Variants in COL19A1 observed in about 807,000 individuals in gnomAD.
The protein encoded by COL19A1 is collagen type XIX alpha 1 chain, also known as collagen alpha-1(XIX) chain.
A neutral mutation model predicts 190.2 loss-of-function variants in COL19A1; 159 were observed. That is an observed-to-expected ratio of 0.84 (90% confidence interval 0.73 to 0.95). The LOEUF is 0.95. Among genes scored for constraint, COL19A1 ranks in the 40% least tolerant of loss-of-function variants. COL19A1 has a pLI of 0.00. For missense variants in COL19A1, 1,418 were observed against 1,431.9 expected (o/e 0.99, Z 0.16); for synonymous variants, 509 against 458.9 (o/e 1.11, Z -1.39).
chr6:70,068,477 G>A lies in COL19A1; in HGVS notation c.1224+1G>A, dbSNP rs766625405. 2.5e-6 allele frequency: 4 copies of A among 1,586,848 alleles called. No homozygotes were observed. The African/African-American group carries it at 4.1e-5, about 16-fold the overall frequency. On this transcript the variant is annotated splice_donor_variant, in intron 15 of 50. Transcript: ENST00000620364. LOFTEE classifies it high-confidence loss of function. ...TCCACCTGGAAAAGAGGGTCAGAGG[G>A]TAAGTAAAGCTGGAACAACTGGTGG...
At chr6:70,080,871 C>T (rs1782205653) in intron 15 of COL19A1, among the ~76,000 whole-genome samples, 1 of 152,114 alleles carries the variant, frequency 6.6e-6, no homozygotes, top group Admixed American at 6.5e-5. Flanking sequence ...TTTTTGTATA[C>T]TCTACTGGTA....
intron 15 of COL19A1, among the ~76,000 whole-genome samples, chr6:70,077,601 A>G (rs188773234): frequency 6.6e-6 from 1 of 152,250 alleles, no homozygotes; most frequent in East Asian, 1.9e-4. Flanking sequence ...AACAGTATAC[A>G]ACGTATGTTG....
chr6:69,908,255 A>G (rs951573440), intron 4 of COL19A1, among the ~76,000 whole-genome samples: 2 of 152,206 alleles, frequency 1.3e-5, no homozygotes, highest in African/African-American at 4.8e-5. Flanking sequence ...GTGTTTTAGA[A>G]GGATTACTTT....
rs1777430467 is a variant in COL19A1 at position 70,003,771 on chromosome 6, G to T, written c.1027-19856G>T. Among the ~76,000 whole-genome samples, 9 of 151,894 alleles carry T rather than the reference G, an allele frequency of 5.9e-5. No homozygotes were observed. The South Asian group carries it at 1.9e-3, about 32-fold the overall frequency. On this transcript the variant is annotated intron_variant, in intron 11 of 50. Coordinates refer to ENST00000620364, the MANE Select transcript of COL19A1 (RefSeq NM_001858.6). ...TTATTTTGAGCCTTTGTGTATCTTT[G>T]CATGTGAGATGGGTCTCCTGAATAC...
At chr6:69,955,102 T>C (rs1033296837) in intron 9 of COL19A1, among the ~76,000 whole-genome samples, 2 of 152,086 alleles carry the variant, frequency 1.3e-5, no homozygotes, top group Admixed American at 6.6e-5. Context: ...TTTTATGAAG[T>C]TTTAAGTTTG....
At chr6:70,200,158 G>A (rs549342745) in intron 49 of COL19A1, among the ~76,000 whole-genome samples, 1 of 152,142 alleles carries the variant, frequency 6.6e-6, no homozygotes, top group South Asian at 2.1e-4. Flanking sequence ...GTGACTCAAC[G>A]ACAAATAGTT....
intron 20 of COL19A1, 133 bp from the exon 21 acceptor site, chr6:70,141,760 T>C (rs1786266015): frequency 1.6e-6 from 1 of 630,466 alleles, no homozygotes; most frequent in Admixed American, 3.0e-5. Flanking sequence ...TGAACTCTCC[T>C]TGATTTTATT....
chr6:69,960,120 T>C, intron 10 of COL19A1, 80 bp downstream of exon 10: 1 of 1,359,138 alleles, frequency 7.4e-7, no homozygotes, highest in Middle Eastern at 2.1e-4. Flanking sequence ...ATTCTGAAAT[T>C]GTATTTGATT....
chr6:70,136,706 T>A (rs1011394622), intron 18 of COL19A1, among the ~76,000 whole-genome samples: 1 of 152,200 alleles, frequency 6.6e-6, no homozygotes, highest in African/African-American at 2.4e-5. Flanking sequence ...GGATTTCTTC[T>A]TTGTAAATTT....
rs868271320 is a variant in COL19A1, at chr6:70,009,972, A to G, written c.1027-13655A>G. Among the ~76,000 whole-genome samples the G allele has an allele frequency of 2.4e-4, 37 of 152,318 alleles. 1 individual carries two copies. The highest frequency in any genetic ancestry group is 8.2e-4 in the African/African-American group (34 of 41,576). ...AATAGGTAATAGAAATAAATGTAAAAACCAAAACTGTAAATTTTTTAGAAG... is the reference window on the plus strand; with the variant it reads ...AATAGGTAATAGAAATAAATGTAAAGACCAAAACTGTAAATTTTTTAGAAG... On this transcript the variant is annotated intron_variant, in intron 11 of 50. Coordinates refer to ENST00000620364, the MANE Select transcript of COL19A1 (RefSeq NM_001858.6).
chr6:70,168,326 A>G, intron 39 of COL19A1, 111 bp downstream of exon 39: 8 of 1,066,972 alleles, frequency 7.5e-6, no homozygotes, highest in Non-Finnish European at 1.1e-5. Flanking sequence ...GAATACAGCC[A>G]AATTTTACAG....
intron 41 of COL19A1, 121 bp from the exon 42 acceptor site, chr6:70,176,399 A>G: frequency 1.0e-6 from 1 of 955,146 alleles, no homozygotes; most frequent in African/African-American, 1.7e-5. Context: ...TCTAATATCA[A>G]TAACACTTAT....
At chr6:70,163,515 A>G (rs1207818886) in intron 36 of COL19A1, 119 bp downstream of exon 36, 19 of 865,292 alleles carry the variant, frequency 2.2e-5, no homozygotes, top group Admixed American at 2.0e-4. Flanking sequence ...ATGATGGTAG[A>G]AAGTACCTAT....
In COL19A1 at chr6:70,102,228, T is replaced by C. The variant is rs1223827661; in HGVS notation, c.1278+6T>C. 3 of 1,603,860 alleles carry C rather than the reference T, an allele frequency of 1.9e-6. No homozygotes were observed. Among genetic ancestry groups the C allele is most frequent in the Non-Finnish European group, 2.6e-6 (3 of 1,170,832 alleles). ...CAGGACCCCCAGGACCACCTGTGAGTAAACAATACAATGACTGTCCCTTTA... is the reference window on the plus strand; with the variant it reads ...CAGGACCCCCAGGACCACCTGTGAGCAAACAATACAATGACTGTCCCTTTA... On this transcript the variant is annotated splice_donor_region_variant and intron_variant, in intron 16 of 50. Transcript: ENST00000620364.
chr6:70,071,803 A>G (rs370841007), intron 15 of COL19A1, among the ~76,000 whole-genome samples: 3 of 152,212 alleles, frequency 2.0e-5, no homozygotes, highest in African/African-American at 7.2e-5. Flanking sequence ...TGAGGCAGAA[A>G]AAGGCCGTAC....
intron 1 of COL19A1, among the ~76,000 whole-genome samples, chr6:69,872,440 G>A (rs953473943): frequency 1.3e-5 from 2 of 152,010 alleles, no homozygotes; most frequent in Admixed American, 6.5e-5. Context: ...AATGATTAAG[G>A]TTTCTTAATG....
chr6:69,900,195 T>C (rs1770081600), intron 3 of COL19A1, 44 bp from the exon 4 acceptor site: 3 of 1,250,526 alleles, frequency 2.4e-6, no homozygotes, highest in Admixed American at 2.2e-5. Flanking sequence ...GAAATTAACA[T>C]TTCTATTAGT....
At chr6:70,194,684 C>G (rs924927406) in intron 48 of COL19A1, among the ~76,000 whole-genome samples, 1 of 152,126 alleles carries the variant, frequency 6.6e-6, no homozygotes, top group African/African-American at 2.4e-5. Flanking sequence ...CTTGCCAGAT[C>G]TGAGAAGTTT....
At chr6:70,099,526 G>A (rs184585150) in intron 15 of COL19A1, among the ~76,000 whole-genome samples, 2 of 150,218 alleles carry the variant, frequency 1.3e-5, no homozygotes, top group East Asian at 3.9e-4. Flanking sequence ...ATATCATTAT[G>A]TATATGCAAA....
Sources: gnomAD v4.1 joint callset for allele counts (sites outside exome capture counted in the v4.1 genomes callset) on GRCh38, gnomAD v4.1.1 for gene constraint, MANE v1.5 for transcripts, NCBI Gene and HGNC (gene_info 2026-07-23, HGNC 2026-07-21) for gene names.